The following SLC12A7 variants were observed in gnomAD, a reference collection of about 807,000 sequenced individuals.
SLC12A7 encodes solute carrier family 12 member 7, also known as K-Cl cotransporter 4.
Under a neutral mutation model 120.6 loss-of-function variants are expected in SLC12A7, and 100 were observed. The observed-to-expected ratio is 0.83, with a 90% CI of 0.71 to 0.98. The LOEUF is 0.98. Ranked by LOEUF, SLC12A7 falls within the 50% of genes least tolerant of loss-of-function variation. The pLI, the probability that SLC12A7 is intolerant of heterozygous loss-of-function variation, is 0.00. For synonymous variants in SLC12A7, 760 were observed against 678.0 expected (o/e 1.12, Z -1.88); for missense variants, 1,373 against 1,548.1 (o/e 0.89, Z 1.90).
At chr5:1,081,437 T>C in intron 9 of SLC12A7, 140 bp downstream of exon 9, 1 of 835,838 alleles carries the variant, frequency 1.2e-6, no homozygotes, top group Non-Finnish European at 1.8e-6. Flanking sequence ...GTGGGAGGAA[T>C]ATTTGTGTCT....
chr5:1,137,993 G>A, the SLC12A7 span, among the ~76,000 whole-genome samples: 6 of 152,182 alleles, frequency 3.9e-5, no homozygotes, highest in Admixed American at 6.5e-5. Context: ...GAGTGACCCT[G>A]GAGCAGGGAT....
rs1381034784 is a variant in SLC12A7 at position 1,070,000 on chromosome 5, AGTG to A, written c.2241+3630_2241+3632del. ...CGGCATCACACTTAACGCAGCCCCC[AGTG>A]AGCCCCCAGCACACGGGCATCACAC... is the stretch of plus-strand genomic sequence containing the variant. On this transcript the variant is annotated intron_variant, in intron 17 of 23. Transcript: ENST00000264930. 6.8e-5 allele frequency among the ~76,000 whole-genome samples: 6 copies of A among 87,694 alleles called. No individual in the cohort carries two copies. In the Admixed American group the frequency reaches 7.0e-4, roughly 10 times the overall value. 57.5% of individuals were successfully genotyped at this position (87,694 alleles called of 152,430 possible). A position where few individuals can be genotyped will look rare whatever the true frequency, so the allele number is the denominator to read the frequency against.
Position 1,057,581 on chromosome 5 carries a change from A to G in SLC12A7, c.2916T>C (p.Pro972=). 1 of 1,611,766 alleles carries G rather than the reference A, an allele frequency of 6.2e-7. No homozygotes were observed. Among genetic ancestry groups the G allele is most frequent in the South Asian group, 1.1e-5 (1 of 91,068 alleles). Residue 972 remains proline, a synonymous_variant, in exon 22 of 24, where the codon CCT becomes CCC. Coordinates refer to ENST00000264930, the MANE Select transcript of SLC12A7 (RefSeq NM_006598.3). The part of the protein sequence containing the change: ...TAAAARTQAP[P]TPDKVQMTWT... ...AGGTCATCTGCACCTTGTCTGGCGT[A>G]GGCGGCGCTTGGGTCCTGGCTGCCG...
intron 8 of SLC12A7, among the ~76,000 whole-genome samples, chr5:1,082,843 C>CCAGGCTTCCCGTCTCGGGTT (rs1739344726): frequency 7.2e-6 from 1 of 139,066 alleles, no homozygotes; most frequent in Non-Finnish European, 1.6e-5. Flanking sequence ...TTCTGGAAAG[C>CCAGGCTTCCCGTCTCGGGTT]CTGGGCTTCC....
chr5:1,143,663 C>G, the SLC12A7 span, among the ~76,000 whole-genome samples: 10 of 152,312 alleles, frequency 6.6e-5, no homozygotes, highest in South Asian at 2.1e-3. Context: ...TCCCAGGGTT[C>G]TCCCTGTGTC....
At chr5:1,112,181 C>A, upstream of SLC12A7, 1 of 600,272 alleles carries the variant, frequency 1.7e-6, no homozygotes. Flanking sequence ...GCAGGGACCC[C>A]AACCCAGGCT....
chr5:1,059,269 G>A (rs1171673312), intron 21 of SLC12A7, among the ~76,000 whole-genome samples: 2 of 152,188 alleles, frequency 1.3e-5, no homozygotes, highest in African/African-American at 2.4e-5. Flanking sequence ...GGACAGGACC[G>A]CAGCTCCACA....
chr5:1,096,841 G>A (rs1741283158), intron 1 of SLC12A7, among the ~76,000 whole-genome samples: 1 of 79,506 alleles, frequency 1.3e-5, no homozygotes, highest in African/African-American at 4.1e-5. Context: ...AAGGAGGGAG[G>A]GAGGGAAGGA....
intron 9 of SLC12A7, among the ~76,000 whole-genome samples, chr5:1,081,121 G>A (rs1739050553): frequency 1.3e-5 from 2 of 151,504 alleles, no homozygotes; most frequent in Non-Finnish European, 2.9e-5. Context: ...GAGAAAGAGT[G>A]CCGGAGGAGA....
intron 1 of SLC12A7, among the ~76,000 whole-genome samples, chr5:1,108,810 G>A (rs1742763302): frequency 6.6e-6 from 1 of 152,146 alleles, no homozygotes; most frequent in African/African-American, 2.4e-5. Flanking sequence ...TTTGGGAGGG[G>A]GCTCCCAACA....
At chr5:1,061,344 CCGCCG>C (rs1736230959) in intron 20 of SLC12A7, among the ~76,000 whole-genome samples, 1 of 20,890 alleles carries the variant, frequency 4.8e-5, no homozygotes, top group African/African-American at 6.2e-5. Context: ...TGAGTCTCAC[CCGCCG>C]CACCCGCCGT....
At chr5:1,150,355 C>G in the SLC12A7 span, among the ~76,000 whole-genome samples, 1 of 151,966 alleles carries the variant, frequency 6.6e-6, no homozygotes, top group Admixed American at 6.6e-5. Context: ...AACCCCATCC[C>G]TCATTTTCAG....
chr5:1,076,546 G>A (rs945150583), intron 13 of SLC12A7, 148 bp downstream of exon 13: 33 of 667,326 alleles, frequency 4.9e-5, no homozygotes, highest in East Asian at 1.1e-4. Flanking sequence ...TGTCTTCCCC[G>A]GCGCAACTCC....
At chr5:1,055,204 G>A (rs1735481008) in intron 22 of SLC12A7, among the ~76,000 whole-genome samples, 1 of 152,200 alleles carries the variant, frequency 6.6e-6, no homozygotes, top group South Asian at 2.1e-4. Context: ...ATACACAAGT[G>A]CATACACTAT....
rs1554021184 is a variant in SLC12A7, at chr5:1,095,034, G to GGGGCGGTAGGAGGC, written c.125-787_125-786insGCCTCCTACCGCCC. Among the ~76,000 whole-genome samples the GGGGCGGTAGGAGGC allele has an allele frequency of 2.1e-3, 310 of 148,374 alleles. 1 individual carries two copies. Among genetic ancestry groups the GGGGCGGTAGGAGGC allele is most frequent in the African/African-American group, 6.0e-3 (243 of 40,736 alleles). ...TAGGAGGTGGGGGCGGTAGGAGGCG[G>GGGGCGGTAGGAGGC]GGGGCCGGTAGGAGGCGGGGCCGGT... On this transcript the variant is annotated intron_variant, in intron 1 of 23. Transcript: ENST00000264930.
the SLC12A7 span, among the ~76,000 whole-genome samples, chr5:1,136,249 C>A: frequency 6.6e-6 from 1 of 151,332 alleles, no homozygotes; most frequent in Non-Finnish European, 1.5e-5. Flanking sequence ...TCCAACCCAG[C>A]TCCGAGAAAT....
chr5:1,060,323 G>T (rs761698609), intron 21 of SLC12A7, 21 bp downstream of exon 21: 27 of 1,580,244 alleles, frequency 1.7e-5, no homozygotes, highest in Non-Finnish European at 2.1e-5. Flanking sequence ...CCTGGTGTCT[G>T]TGGCCACGGC....
chr5:1,074,960 G>A (rs1013142134), intron 15 of SLC12A7, among the ~76,000 whole-genome samples: 1 of 152,208 alleles, frequency 6.6e-6, no homozygotes, highest in African/African-American at 2.4e-5. Context: ...ACAGGGAAGT[G>A]GCTGGACCCC....
the SLC12A7 span, among the ~76,000 whole-genome samples, chr5:1,153,193 G>A: frequency 9.8e-5 from 15 of 152,290 alleles, no homozygotes; most frequent in Non-Finnish European, 1.6e-4. Context: ...GGGTGCTGAC[G>A]TGGGAGGAGG....
Sources: gnomAD v4.1 joint callset for allele counts (sites outside exome capture counted in the v4.1 genomes callset) on GRCh38, gnomAD v4.1.1 for gene constraint, MANE v1.5 for transcripts, NCBI Gene and HGNC (gene_info 2026-07-23, HGNC 2026-07-21) for gene names.